Variants in PCDH15 observed in about 807,000 individuals in gnomAD.
The protein encoded by PCDH15 is protocadherin-15.
Under a neutral mutation model 178.5 loss-of-function variants are expected in PCDH15, and 129 were observed. The observed-to-expected ratio is 0.72, with a 90% CI of 0.63 to 0.84. The LOEUF is 0.84. PCDH15 is among the 40% of genes least tolerant of loss of function. The pLI is 0.00. For synonymous variants in PCDH15, 800 were observed against 732.0 expected, an observed-to-expected ratio of 1.09 and a Z score of -1.50; for missense variants, 2,230 against 2,099.9, an observed-to-expected ratio of 1.06 and a Z score of -1.21.
At chr10:55,233,788 T>G (rs1841297067) in intron 1 of PCDH15, among the ~76,000 whole-genome samples, 1 of 152,124 alleles carries the variant, frequency 6.6e-6, no homozygotes, top group African/African-American at 2.4e-5. Flanking sequence ...AGCAACATAA[T>G]TATTTCCTTT....
In PCDH15 at chr10:54,294,505, G is replaced by T. The variant is rs958909162; in HGVS notation, c.876+22766C>A. ...ATTTTCTGCCTCAAATAGATATAAC[G>T]CATGTTACTAATTTATTAAGCAGAA... On this transcript the variant is annotated intron_variant, in intron 8 of 37. Transcript: ENST00000644397. Among the ~76,000 whole-genome samples, 4 of 152,116 alleles carry T rather than the reference G, an allele frequency of 2.6e-5. No individual in the cohort carries two copies. In the East Asian group the frequency reaches 5.8e-4, roughly 22 times the overall value.
chr10:54,418,666 T>C (rs1758812), intron 3 of PCDH15, among the ~76,000 whole-genome samples: 31,172 of 151,704 alleles, frequency 0.21, 3,985 homozygotes, highest in African/African-American at 0.36. Context: ...TAACTGTACT[T>C]AATAGCTAAT....
intron 36 of PCDH15, 84 bp from the exon 37 acceptor site, chr10:53,810,748 C>T: frequency 3.2e-6 from 4 of 1,247,048 alleles, no homozygotes; most frequent in Non-Finnish European, 3.5e-6. Context: ...CCTTCTTTTT[C>T]TTCCGCCATT....
chr10:55,378,908 T>TCTCTCTCTCTCACACACA (rs61280428), intron 2 of PCDH15, among the ~76,000 whole-genome samples: 76 of 148,870 alleles, frequency 5.1e-4, no homozygotes, highest in African/African-American at 1.7e-3. Flanking sequence ...TCTCTCTCTC[T>TCTCTCTCTCTCACACACA]CACATATGCC....
chr10:54,525,191 T>C (rs2083258369), intron 3 of PCDH15, among the ~76,000 whole-genome samples: 1 of 152,224 alleles, frequency 6.6e-6, no homozygotes, highest in South Asian at 2.1e-4. Context: ...GCTTTAGTAG[T>C]GAATGTATTT....
At chr10:54,204,612 T>A (rs368402319) in intron 10 of PCDH15, among the ~76,000 whole-genome samples, 5 of 145,618 alleles carry the variant, frequency 3.4e-5, no homozygotes, top group Non-Finnish European at 7.6e-5. Flanking sequence ...ACTAAAAAAA[T>A]AAGCTATGAA....
Position 54,175,551 on chromosome 10 carries a change from ATAGT to A in PCDH15, c.1590+7889_1590+7892del, listed in dbSNP as rs550031556. Among the ~76,000 whole-genome samples, 78 of 152,302 alleles carry A rather than the reference ATAGT, an allele frequency of 5.1e-4. No homozygotes were observed. In the South Asian group the frequency reaches 0.016, roughly 31 times the overall value. On this transcript the variant is annotated intron_variant, in intron 13 of 37. Transcript: ENST00000644397. ...AAGCATGCATGTGATAGTAGTTTATATAGTTAGTTTAATAATCACAACACTCTTT... is the reference window on the plus strand; with the variant it reads ...AAGCATGCATGTGATAGTAGTTTATATAGTTTAATAATCACAACACTCTTT...
chr10:55,437,614 C>G (rs1839073232), intron 2 of PCDH15, among the ~76,000 whole-genome samples: 1 of 152,030 alleles, frequency 6.6e-6, no homozygotes, highest in Non-Finnish European at 1.5e-5. Context: ...TGACTCTTCT[C>G]TCTAGAAACA....
intron 2 of PCDH15, among the ~76,000 whole-genome samples, chr10:55,328,299 T>C (rs1311799536): frequency 4.6e-5 from 7 of 151,866 alleles, no homozygotes; most frequent in Non-Finnish European, 1.0e-4. Flanking sequence ...AATGAGTCAT[T>C]AGGTTTTTTG....
intron 16 of PCDH15, among the ~76,000 whole-genome samples, chr10:54,085,188 A>C (rs1294416104): frequency 6.6e-6 from 1 of 152,112 alleles, no homozygotes; most frequent in Non-Finnish European, 1.5e-5. Flanking sequence ...CAATATAATC[A>C]TAAAATTCAA....
At chr10:55,200,752 T>G (rs892017894) in intron 1 of PCDH15, among the ~76,000 whole-genome samples, 2 of 152,054 alleles carry the variant, frequency 1.3e-5, no homozygotes, top group African/African-American at 4.8e-5. Flanking sequence ...CTTGCTGTTC[T>G]GATGAGAGTG....
intron 1 of PCDH15, among the ~76,000 whole-genome samples, chr10:55,283,729 G>C (rs1842794550): frequency 6.6e-6 from 1 of 150,658 alleles, no homozygotes; most frequent in Non-Finnish European, 1.5e-5. Context: ...TTTTCATATG[G>C]CTTGTAACAC....
rs181963394 is a variant in PCDH15, at chr10:54,076,364, C to T, written c.2091+2967G>A. ...TGTGTATGTGTGTGCAAACATGAAA[C>T]ATGTGTATGGAATCATTAAAGTTTT... On this transcript the variant is annotated intron_variant, in intron 17 of 37. Transcript: ENST00000644397. Among the ~76,000 whole-genome samples, 191 of 152,200 alleles carry T rather than the reference C, an allele frequency of 1.3e-3. 5 individuals carry two copies. Among genetic ancestry groups the T allele is most frequent in the Admixed American group, 0.012 (188 of 15,284 alleles).
intron 8 of PCDH15, among the ~76,000 whole-genome samples, chr10:54,272,088 A>G (rs2058087085): frequency 1.4e-5 from 2 of 145,428 alleles, no homozygotes; most frequent in South Asian, 4.4e-4. Context: ...CACTCAGAAA[A>G]TCATACTTAA....
rs908955074 is a variant in PCDH15 at position 54,871,912 on chromosome 10, C to G, written c.-29+25538G>C. 5.3e-5 allele frequency among the ~76,000 whole-genome samples: 8 copies of G among 152,134 alleles called. No homozygotes were observed. The East Asian group carries it at 1.2e-3, about 22-fold the overall frequency. On this transcript the variant is annotated intron_variant, in intron 3 of 5. Coordinates refer to the PCDH15 transcript ENST00000458638. Reference sequence around the variant, plus strand: ...TAAATAAACTACTGTGAGTGTAATACTTTCCAGATAAAAAGGATGAGATGA... The same window carrying G: ...TAAATAAACTACTGTGAGTGTAATAGTTTCCAGATAAAAAGGATGAGATGA...
chr10:54,634,408 G>C (rs2093790116), intron 2 of PCDH15, among the ~76,000 whole-genome samples: 1 of 151,962 alleles, frequency 6.6e-6, no homozygotes, highest in Non-Finnish European at 1.5e-5. Flanking sequence ...GTTACAATTT[G>C]TTGTAACTAG....
At position 53,991,111 on chromosome 10, in the gene PCDH15, G is replaced by A. The variant is rs75385738; in HGVS notation, c.2868+4538C>T. Among the ~76,000 whole-genome samples, 134 of 152,088 alleles carry A rather than the reference G, an allele frequency of 8.8e-4. No homozygotes were observed. The East Asian group carries it at 0.013, about 15-fold the overall frequency. On this transcript the variant is annotated intron_variant, in intron 21 of 37. Transcript: ENST00000644397. Reference sequence around the variant, plus strand: ...ACCCCCCCCACCCCCGTGGGCTCCCGCGCAGCCCGAGTCTCCCCAACAGGG... The same window carrying A: ...ACCCCCCCCACCCCCGTGGGCTCCCACGCAGCCCGAGTCTCCCCAACAGGG...
intron 15 of PCDH15, among the ~76,000 whole-genome samples, chr10:54,100,668 A>G (rs1326803990): frequency 6.6e-6 from 1 of 152,168 alleles, no homozygotes; most frequent in Non-Finnish European, 1.5e-5. Context: ...AATAGAATTC[A>G]GGCAAAAAAA....
chr10:54,058,549 C>T (rs546551829), intron 18 of PCDH15, among the ~76,000 whole-genome samples: 61 of 152,188 alleles, frequency 4.0e-4, no homozygotes, highest in African/African-American at 1.3e-3. Flanking sequence ...CTTTCCACGA[C>T]GTGTGGGAAT....
Sources: gnomAD v4.1 joint callset for allele counts (sites outside exome capture counted in the v4.1 genomes callset) on GRCh38, gnomAD v4.1.1 for gene constraint, MANE v1.5 for transcripts, NCBI Gene and HGNC (gene_info 2026-07-23, HGNC 2026-07-21) for gene names.